The following USP24 variants were observed in gnomAD, a reference collection of about 807,000 sequenced individuals.
USP24 encodes ubiquitin specific peptidase 24.
A neutral mutation model predicts 361.6 loss-of-function variants in USP24; 97 were observed. The ratio of observed to expected loss-of-function variants is 0.27; its 90% CI spans 0.23 to 0.32. USP24 has a LOEUF of 0.32. USP24 is among the 10% of genes least tolerant of loss of function. USP24 has a pLI of 1.00. For synonymous variants in USP24, 1,098 were observed against 1,124.6 expected (o/e 0.98, Z 0.47); for missense variants, 2,353 against 3,165.6 (o/e 0.74, Z 6.16).
Position 55,165,739 on chromosome 1 carries a change from G to T in USP24, c.927+146C>A, listed in dbSNP as rs60156643. The T allele has an allele frequency of 1.5e-4, 83 of 541,458 alleles. No homozygotes were observed. The African/African-American group carries it at 1.5e-3, about 10-fold the overall frequency. 33.5% of individuals were successfully genotyped at this position (541,458 alleles called of 1,614,324 possible). ...ATAATTAGGAGTAAACATTTCTTTGGTTATCAGGACCGTGGAATCTGCTCC... is the reference window on the plus strand; with the variant it reads ...ATAATTAGGAGTAAACATTTCTTTGTTTATCAGGACCGTGGAATCTGCTCC... On this transcript the variant is annotated intron_variant, in intron 7 of 67. Coordinates refer to ENST00000294383, the MANE Select transcript of USP24 (RefSeq NM_015306.3).
chr1:55,195,011 TAAA>T (rs60814451), intron 1 of USP24, among the ~76,000 whole-genome samples: 127,616 of 151,864 alleles, frequency 0.84, 56,111 homozygotes, highest in Middle Eastern at 0.98. Context: ...TGATCTTCCT[TAAA>T]ACAAAACAAA....
intron 5 of USP24, among the ~76,000 whole-genome samples, chr1:55,169,049 A>C (rs1649187520): frequency 6.6e-6 from 1 of 152,192 alleles, no homozygotes; most frequent in Admixed American, 6.6e-5. Context: ...AATATCAGGC[A>C]CAGAATATAA....
intron 58 of USP24, among the ~76,000 whole-genome samples, chr1:55,082,463 G>T (rs985886449): frequency 9.2e-5 from 14 of 152,202 alleles, no homozygotes; most frequent in Admixed American, 7.2e-4. Context: ...TACGATGGAT[G>T]GGAGAAACAC....
intron 38 of USP24, among the ~76,000 whole-genome samples, chr1:55,111,844 A>G (rs1171488475): frequency 6.6e-6 from 1 of 152,132 alleles, no homozygotes; most frequent in African/African-American, 2.4e-5. Context: ...ACAGAAGGTT[A>G]AATGTTTCAA....
intron 60 of USP24, 87 bp downstream of exon 60, chr1:55,079,451 C>T (rs1356674616): frequency 6.7e-7 from 1 of 1,491,390 alleles, no homozygotes; most frequent in Non-Finnish European, 9.0e-7. Context: ...CTTAACAATA[C>T]TCTTCATGCC....
chr1:55,131,009 T>C (rs1416161197), intron 31 of USP24, among the ~76,000 whole-genome samples: 1 of 152,222 alleles, frequency 6.6e-6, no homozygotes, highest in African/African-American at 2.4e-5. Context: ...GGCTCTAAGA[T>C]AATGGAATTT....
In USP24 at chr1:55,148,614, C is replaced by T. The variant is rs74073050; in HGVS notation, c.1861-44G>A. ...TACATTAATTAAATTTAGAAATAAA[C>T]AGCAGATTCATTTATTAGCTATAAA... On this transcript the variant is annotated intron_variant, in intron 16 of 67. Coordinates refer to ENST00000294383, the MANE Select transcript of USP24 (RefSeq NM_015306.3). The T allele has an allele frequency of 7.1e-3, 9,836 of 1,376,702 alleles. 513 individuals are homozygous for T. The African/African-American group carries it at 0.13, about 18-fold the overall frequency. The allele number at this position is 1,376,702 out of a possible 1,614,324, so 85.3% of individuals were successfully genotyped here.
chr1:55,185,481 C>G (rs115811829), intron 1 of USP24, among the ~76,000 whole-genome samples: 20 of 151,702 alleles, frequency 1.3e-4, no homozygotes, highest in South Asian at 2.1e-4. Context: ...AAGGGACAAA[C>G]CTTCAACTAG....
At chr1:55,207,137 G>A (rs1315958193) in intron 1 of USP24, among the ~76,000 whole-genome samples, 2 of 152,100 alleles carry the variant, frequency 1.3e-5, no homozygotes, top group African/African-American at 4.8e-5. Context: ...CAGTCTGGGT[G>A]ACAGAGTGAG....
intron 12 of USP24, among the ~76,000 whole-genome samples, chr1:55,155,596 C>T (rs1471297984): frequency 6.6e-6 from 1 of 152,090 alleles, no homozygotes; most frequent in African/African-American, 2.4e-5. Flanking sequence ...TCTTGGGACC[C>T]GGGACTGTTT....
chr1:55,099,969 G>C (rs1413781915), intron 44 of USP24, 100 bp from the exon 45 acceptor site: 1 of 839,864 alleles, frequency 1.2e-6, no homozygotes, highest in Non-Finnish European at 1.8e-6. Context: ...ATAAAAATCA[G>C]GTTCACTATT....
At chr1:55,087,184 T>G (rs1249128373) in intron 55 of USP24, among the ~76,000 whole-genome samples, 1 of 152,088 alleles carries the variant, frequency 6.6e-6, no homozygotes, top group East Asian at 1.9e-4. Context: ...AAGAAATAAG[T>G]AATTAGAAAA....
At position 55,176,455 on chromosome 1, in the gene USP24, G is replaced by C. The variant is rs1309272221; in HGVS notation, c.491-12C>G. On this transcript the variant is annotated splice_polypyrimidine_tract_variant and intron_variant, in intron 2 of 67. Coordinates refer to ENST00000294383, the MANE Select transcript of USP24 (RefSeq NM_015306.3). Reference sequence around the variant, plus strand: ...AGACTCGGAAAGACCTTAGTAAAATGCATGAAATAATATACTTTATTTAAG... The same window carrying C: ...AGACTCGGAAAGACCTTAGTAAAATCCATGAAATAATATACTTTATTTAAG... The C allele has an allele frequency of 1.3e-6, 2 of 1,558,058 alleles. No homozygotes were observed. Among genetic ancestry groups the C allele is most frequent in the Non-Finnish European group, 1.7e-6 (2 of 1,149,222 alleles).
At chr1:55,120,792 G>A (rs1202821733) in intron 37 of USP24, 36 bp from the exon 38 acceptor site, 1 of 1,524,776 alleles carries the variant, frequency 6.6e-7, no homozygotes, top group Non-Finnish European at 8.8e-7. Flanking sequence ...GGACAGACAT[G>A]AATCAACATG....
Position 55,177,982 on chromosome 1 carries a change from A to G in USP24, c.475T>C (p.Tyr159His). The G allele has an allele frequency of 6.4e-7, 1 of 1,551,546 alleles. No individual in the cohort carries two copies. The change falls in exon 2 of 68, where the codon TAC (tyrosine) becomes CAC (histidine). Residue 159 changes from tyrosine to histidine, a missense_variant. Tyr to His is a moderately conservative substitution (Grantham distance 83, BLOSUM62 2). This residue lies in a region of USP24 where 253 missense variants were observed against 255.3 expected (regional missense o/e 0.99). Coordinates refer to ENST00000294383, the MANE Select transcript of USP24 (RefSeq NM_015306.3). ...GAAAACTTACCAAGTCTTGCTAGGT[A>G]GGTAGATGCCAACAGGCATTTGCCT... is the stretch of plus-strand genomic sequence containing the variant. ...SLGKCLLAST[Y>H]LARLGLSESD...
chr1:55,127,845 C>T (rs1557602819), intron 32 of USP24, among the ~76,000 whole-genome samples: 1 of 152,142 alleles, frequency 6.6e-6, no homozygotes, highest in East Asian at 1.9e-4. Flanking sequence ...CTTCAATTTA[C>T]TATCACCCCT....
At chr1:55,120,318 A>G (rs1233929700) in intron 38 of USP24, among the ~76,000 whole-genome samples, 1 of 152,168 alleles carries the variant, frequency 6.6e-6, no homozygotes, top group Non-Finnish European at 1.5e-5. Context: ...CCGGGCTCCA[A>G]TAATTCCAGG....
chr1:55,132,190 G>C (rs1646612970), intron 31 of USP24, among the ~76,000 whole-genome samples: 1 of 152,156 alleles, frequency 6.6e-6, no homozygotes, highest in African/African-American at 2.4e-5. Flanking sequence ...GTCACAGTGA[G>C]ACGGTGCCAT....
chr1:55,157,384 A>G lies in USP24; in HGVS notation c.1228-14T>C, dbSNP rs1287084438. ...TAGTTTGGTTACCTAAAAAGATAAG[A>G]TTATTGTGACTGAGTCTAATATACA... On this transcript the variant is annotated splice_polypyrimidine_tract_variant and intron_variant, in intron 10 of 67. Transcript: ENST00000294383. The G allele has an allele frequency of 1.4e-6, 2 of 1,443,386 alleles. No individual in the cohort carries two copies. The highest frequency in any genetic ancestry group is 1.9e-6 in the Non-Finnish European group (2 of 1,051,468). The allele number at this position is 1,443,386 out of a possible 1,614,324, so 89.4% of individuals were successfully genotyped here.
Sources: allele counts gnomAD v4.1 joint callset (sites outside exome capture counted in the v4.1 genomes callset), GRCh38; gene constraint gnomAD v4.1.1; regional missense constraint gnomAD v4.1.1; transcripts MANE v1.5; gene names NCBI Gene and HGNC (gene_info 2026-07-23, HGNC 2026-07-21).